Variants in CNBD1 observed in about 807,000 individuals in gnomAD.
CNBD1 encodes cyclic nucleotide binding domain containing 1, also known as cyclic nucleotide-binding domain-containing protein 1.
A neutral mutation model predicts 54.4 loss-of-function variants in CNBD1; 71 were observed. The ratio of observed to expected loss-of-function variants is 1.30; its 90% confidence interval spans 1.08 to 1.59. The LOEUF (loss-of-function observed/expected upper bound fraction) is 1.59, where lower values mean the gene tolerates loss of function less well. Among genes scored for constraint, CNBD1 ranks in the 40% most tolerant of loss-of-function variants. The pLI is 0.00. For synonymous variants in CNBD1, 182 were observed against 170.7 expected (o/e 1.07, Z -0.51); for missense variants, 659 against 518.0 (o/e 1.27, Z -2.64).
At chr8:87,250,270 C>T (rs569696529) in intron 6 of CNBD1, among the ~76,000 whole-genome samples, 31 of 152,198 alleles carry the variant, frequency 2.0e-4, no homozygotes, top group East Asian at 1.2e-3. Flanking sequence ...AAAACTCCAA[C>T]GATATGTTAT....
intron 6 of CNBD1, among the ~76,000 whole-genome samples, chr8:87,253,826 TTAAACA>T (rs1197889329): frequency 6.6e-6 from 1 of 151,948 alleles, no homozygotes; most frequent in Non-Finnish European, 1.5e-5. Flanking sequence ...CAACAAAACA[TTAAACA>T]TAAACTAAAT....
intron 4 of CNBD1, among the ~76,000 whole-genome samples, chr8:86,974,702 T>G (rs2130496937): frequency 6.6e-6 from 1 of 152,090 alleles, no homozygotes; most frequent in African/African-American, 2.4e-5. Flanking sequence ...AATTTGAAAA[T>G]AAGTAATACC....
intron 6 of CNBD1, 139 bp from the exon 7 acceptor site, chr8:87,284,539 G>A (rs1585983100): frequency 3.5e-6 from 2 of 578,388 alleles, no homozygotes; most frequent in South Asian, 3.8e-5. Context: ...AGCAGAAGTA[G>A]TAGGAGCCAT....
At chr8:86,948,507 C>G (rs1360812088) in intron 4 of CNBD1, among the ~76,000 whole-genome samples, 2 of 152,096 alleles carry the variant, frequency 1.3e-5, no homozygotes, top group Non-Finnish European at 2.9e-5. Flanking sequence ...ATCTTATGAT[C>G]AATGATTTTG....
chr8:87,111,836 A>T (rs147551079), intron 4 of CNBD1, among the ~76,000 whole-genome samples: 92 of 152,018 alleles, frequency 6.1e-4, no homozygotes, highest in Admixed American at 2.7e-3. Context: ...TGTTACAGTA[A>T]TTACTCCCAC....
intron 4 of CNBD1, among the ~76,000 whole-genome samples, chr8:87,137,060 T>C (rs1472244180): frequency 7.6e-6 from 1 of 131,862 alleles, no homozygotes; most frequent in East Asian, 2.1e-4. Context: ...ATATATATTA[T>C]ATTTATATTC....
Position 87,368,126 on chromosome 8 carries a change from C to T in CNBD1, c.1303+14340C>T, listed in dbSNP as rs903779373. Among the ~76,000 whole-genome samples the T allele has an allele frequency of 2.4e-4, 35 of 143,438 alleles. 1 individual carries two copies. The highest frequency in any genetic ancestry group is 5.1e-5 in the African/African-American group (2 of 39,156). 94.1% of individuals were successfully genotyped at this position (143,438 alleles called of 152,430 possible). On this transcript the variant is annotated intron_variant, in intron 10 of 10. Transcript: ENST00000518476. ...GCAGTGAGCCTAGATCACACCATTTCACTCCATCCTGGGTGACAGAGCGAG... is the reference window on the plus strand; with the variant it reads ...GCAGTGAGCCTAGATCACACCATTTTACTCCATCCTGGGTGACAGAGCGAG...
chr8:86,937,786 T>A (rs1809576467), intron 3 of CNBD1, among the ~76,000 whole-genome samples: 1 of 151,790 alleles, frequency 6.6e-6, no homozygotes, highest in African/African-American at 2.4e-5. Flanking sequence ...GCCATGAAGA[T>A]CTCTGACATG....
chr8:87,409,177 G>C (rs570883016), intron 2 of CNBD1, among the ~76,000 whole-genome samples: 1 of 152,256 alleles, frequency 6.6e-6, no homozygotes, highest in African/African-American at 2.4e-5. Flanking sequence ...AGTTCTTGAA[G>C]AAAATTAAAA....
intron 8 of CNBD1, among the ~76,000 whole-genome samples, chr8:87,310,126 G>A (rs1809233868): frequency 6.6e-6 from 1 of 152,092 alleles, no homozygotes; most frequent in Non-Finnish European, 1.5e-5. Context: ...AGGCCAAAGT[G>A]AGAGGATCAC....
In CNBD1 at chr8:87,327,749, A is replaced by T. The variant is rs540067521; in HGVS notation, c.1043-23936A>T. Reference sequence around the variant, plus strand: ...CCCGGTACCTCAGATGGAAATGCAGAAATCACCCGTCTTCTGCGTCGCTCA... The same window carrying T: ...CCCGGTACCTCAGATGGAAATGCAGTAATCACCCGTCTTCTGCGTCGCTCA... On this transcript the variant is annotated intron_variant, in intron 8 of 10. Transcript: ENST00000518476. 5.3e-5 allele frequency among the ~76,000 whole-genome samples: 8 copies of T among 152,234 alleles called. No individual in the cohort carries two copies. In the East Asian group the frequency reaches 1.2e-3, roughly 22 times the overall value.
chr8:87,222,484 T>G (rs1814361467), intron 5 of CNBD1, among the ~76,000 whole-genome samples: 1 of 151,944 alleles, frequency 6.6e-6, no homozygotes, highest in South Asian at 2.1e-4. Context: ...GTTAATTAGG[T>G]TGGATGGGGG....
intron 2 of CNBD1, among the ~76,000 whole-genome samples, chr8:87,422,838 G>A (rs1255053654): frequency 3.9e-5 from 6 of 152,120 alleles, no homozygotes; most frequent in Non-Finnish European, 8.8e-5. Flanking sequence ...GTTGGGGATG[G>A]CATTGAATCT....
rs547694091 is a variant in CNBD1 at position 87,325,001 on chromosome 8, T to C, written c.1043-26684T>C. On this transcript the variant is annotated intron_variant, in intron 8 of 10. Transcript: ENST00000518476. The stretch of plus-strand genomic sequence containing the variant: ...GCGTCCCAGAGATTCTGGTATGTTG[T>C]GTCTTTGTTCTCGTTGGTTTCAAAG... Among the ~76,000 whole-genome samples, 32 of 105,722 alleles carry C rather than the reference T, an allele frequency of 3.0e-4. 1 individual carries two copies. The South Asian group carries it at 7.5e-3, about 25-fold the overall frequency. The allele number at this position is 105,722 out of a possible 152,430, so 69.4% of individuals were successfully genotyped here. A position where few individuals can be genotyped will look rare whatever the true frequency, so the allele number is the denominator to read the frequency against.
At chr8:87,344,921 C>G (rs1307274816) in intron 8 of CNBD1, among the ~76,000 whole-genome samples, 1 of 152,080 alleles carries the variant, frequency 6.6e-6, no homozygotes, top group South Asian at 2.1e-4. Context: ...GACAGTTACC[C>G]TGGTTAACTA....
At chr8:87,102,139 G>T (rs189211986) in intron 4 of CNBD1, among the ~76,000 whole-genome samples, 3 of 151,836 alleles carry the variant, frequency 2.0e-5, no homozygotes, top group African/African-American at 7.2e-5. Flanking sequence ...TGCCCGCCTC[G>T]GCCTCCCAAA....
At chr8:87,253,516 G>A (rs73265851) in intron 6 of CNBD1, among the ~76,000 whole-genome samples, 61 of 152,200 alleles carry the variant, frequency 4.0e-4, no homozygotes, top group African/African-American at 1.4e-3. Flanking sequence ...CTTAGCCCCA[G>A]GATATTCCAT....
intron 5 of CNBD1, among the ~76,000 whole-genome samples, chr8:87,231,392 G>A (rs569942714): frequency 1.3e-5 from 2 of 152,084 alleles, no homozygotes; most frequent in African/African-American, 4.8e-5. Context: ...ACAAAGACTA[G>A]TATAGTCATG....
At chr8:87,386,705 T>C (rs1811197247), downstream of CNBD1, among the ~76,000 whole-genome samples, 1 of 152,208 alleles carries the variant, frequency 6.6e-6, no homozygotes, top group Non-Finnish European at 1.5e-5. Context: ...CCAGGAGAAC[T>C]TCCCCAATGT....
Sources: allele counts gnomAD v4.1 joint callset (sites outside exome capture counted in the v4.1 genomes callset), GRCh38; gene constraint gnomAD v4.1.1; transcripts MANE v1.5; gene names NCBI Gene and HGNC (gene_info 2026-07-23, HGNC 2026-07-21).